The following MTMR3 variants were observed in gnomAD, a reference collection of about 807,000 sequenced individuals.
MTMR3 encodes phosphatidylinositol-3,5-bisphosphate 3-phosphatase MTMR3.
A neutral mutation model predicts 132.4 loss-of-function variants in MTMR3; 32 were observed. The observed-to-expected ratio is 0.24, with a 90% CI of 0.18 to 0.32. MTMR3 has a LOEUF of 0.32. Ranked by LOEUF, MTMR3 falls within the 10% of genes least tolerant of loss-of-function variation. The pLI is 1.00. For synonymous variants in MTMR3, 556 were observed against 550.3 expected (o/e 1.01, Z -0.14); for missense variants, 1,216 against 1,489.6 (o/e 0.82, Z 3.02).
At chr22:29,926,326 T>C (rs2065516855) in intron 1 of MTMR3, among the ~76,000 whole-genome samples, 1 of 152,234 alleles carries the variant, frequency 6.6e-6, no homozygotes, top group Non-Finnish European at 1.5e-5. Context: ...TTTACTATTG[T>C]GAATACTGGT....
At chr22:30,016,982 A>T (rs904962785) in intron 15 of MTMR3, 1 of 322,766 alleles carries the variant, frequency 3.1e-6, no homozygotes, top group African/African-American at 2.1e-5. Flanking sequence ...TCCAGAGCTT[A>T]TTTCTAGCAT....
chr22:29,907,008 C>T (rs1379029950), intron 1 of MTMR3, among the ~76,000 whole-genome samples: 4 of 151,890 alleles, frequency 2.6e-5, no homozygotes, highest in East Asian at 1.9e-4. Context: ...AACCAGGAGA[C>T]GGAGGTTGCA....
intron 5 of MTMR3, chr22:29,986,505 T>TG (rs34105530): frequency 0.029 from 24,889 of 869,788 alleles, 1,060 homozygotes; most frequent in South Asian, 0.23. Context: ...TTTGTTTGTT[T>TG]TTTTTTTTCC....
rs1263018921 is a variant in MTMR3, at chr22:30,007,917, T to C, written c.894T>C (p.Asn298=). Residue 298 remains asparagine (N), a synonymous_variant, in exon 11 of 20, where the codon AAT becomes AAC. Transcript: ENST00000401950. ...SDVEFDSSLS[N]ASGAESLAIQ... is the part of the protein sequence containing the mutation. ...TGTCCCTAGATTCTTCTCTGTCAAA[T>C]GCTTCAGGAGCAGAGAGTTTAGCCA... 1 of 1,613,780 alleles carries C rather than the reference T, an allele frequency of 6.2e-7. No individual in the cohort carries two copies. Among genetic ancestry groups the C allele is most frequent in the Non-Finnish European group, 8.5e-7 (1 of 1,179,994 alleles).
At chr22:29,988,594 T>C (rs746071676) in intron 6 of MTMR3, 32 bp downstream of exon 6, 116 of 1,511,794 alleles carry the variant, frequency 7.7e-5, no homozygotes, top group Non-Finnish European at 9.9e-5. Flanking sequence ...TGTTGCTGTT[T>C]AGTGTGGAAA....
Position 30,020,495 on chromosome 22 carries a change from A to G in MTMR3, c.2836A>G (p.Ser946Gly). ...NRASEQPPGL[S>G]TLQMYPTPNG... The stretch of plus-strand genomic sequence containing the variant: ...GGCCTCAGAGCAGCCCCCAGGTCTT[A>G]GCACCCTCCAGATGTACCCCACACC... The change falls in exon 17 of 20, where the codon AGC becomes GGC. Residue 946 changes from serine to glycine, a missense_variant. This residue lies in a region of MTMR3 where 852 missense variants were observed against 852.0 expected (regional missense o/e 1.00). Transcript: ENST00000401950. 6.2e-7 allele frequency: 1 copy of G among 1,614,170 alleles called. No individual in the cohort carries two copies. The highest frequency in any genetic ancestry group is 1.3e-5 in the African/African-American group (1 of 75,050).
Position 29,953,944 on chromosome 22 carries a change from C to G in MTMR3, c.-137-3092C>G, listed in dbSNP as rs950802542. Among the ~76,000 whole-genome samples, 28 of 151,622 alleles carry G rather than the reference C, an allele frequency of 1.8e-4. 1 individual carries two copies. Among genetic ancestry groups the G allele is most frequent in the African/African-American group, 4.9e-5 (2 of 41,236 alleles). On this transcript the variant is annotated intron_variant, in intron 1 of 19. Transcript: ENST00000401950. ...GTTCAAGGTTACCCAAACATAACTACTCTTATTCCTTAAGGTATATACATG... is the reference window on the plus strand; with the variant it reads ...GTTCAAGGTTACCCAAACATAACTAGTCTTATTCCTTAAGGTATATACATG...
At chr22:29,988,426 C>T in intron 5 of MTMR3, 54 bp from the exon 6 acceptor site, 1 of 1,378,182 alleles carries the variant, frequency 7.3e-7, no homozygotes, top group Admixed American at 1.8e-5. Flanking sequence ...CATTGAAGAA[C>T]TCCAGGGTCA....
At chr22:30,016,822 G>C in intron 15 of MTMR3, 124 bp downstream of exon 15, 1 of 1,159,206 alleles carries the variant, frequency 8.6e-7, no homozygotes, top group Non-Finnish European at 1.2e-6. Flanking sequence ...GGATGGACTG[G>C]TTCCATTTTT....
At chr22:29,964,406 T>G (rs1422490094) in intron 2 of MTMR3, among the ~76,000 whole-genome samples, 2 of 152,216 alleles carry the variant, frequency 1.3e-5, no homozygotes, top group Non-Finnish European at 2.9e-5. Flanking sequence ...AAAAGGAACC[T>G]TTAGCAAGTA....
intron 18 of MTMR3, 90 bp from the exon 19 acceptor site, chr22:30,022,519 T>G (rs1364864260): frequency 4.4e-6 from 5 of 1,137,484 alleles, no homozygotes; most frequent in Non-Finnish European, 6.6e-6. Context: ...GATGTGGTCC[T>G]TGTGACTCTT....
At chr22:29,942,292 G>A (rs998703657) in intron 1 of MTMR3, among the ~76,000 whole-genome samples, 4 of 152,172 alleles carry the variant, frequency 2.6e-5, no homozygotes, top group Non-Finnish European at 4.4e-5. Flanking sequence ...CAAAAGGAGA[G>A]GGAGTGTACG....
At chr22:29,901,321 TA>T (rs2064999369) in intron 1 of MTMR3, among the ~76,000 whole-genome samples, 1 of 151,480 alleles carries the variant, frequency 6.6e-6, no homozygotes, top group African/African-American at 2.4e-5. Flanking sequence ...GTTTAATTTT[TA>T]GGCGAAATGT....
chr22:29,992,862 G>T (rs2066991926), intron 7 of MTMR3: 1 of 152,146 alleles, frequency 6.6e-6, no homozygotes, highest in African/African-American at 2.4e-5. Context: ...ATTATCTTAT[G>T]TTTAACAATG....
chr22:29,919,218 G>A (rs1386892409), intron 1 of MTMR3, among the ~76,000 whole-genome samples: 1 of 151,922 alleles, frequency 6.6e-6, no homozygotes, highest in Non-Finnish European at 1.5e-5. Flanking sequence ...TTTTTCTGGG[G>A]GAAAAAGTTT....
chr22:29,979,546 T>C (rs2066699301), intron 5 of MTMR3: 2 of 208,206 alleles, frequency 9.6e-6, no homozygotes, highest in South Asian at 7.5e-5. Context: ...GCAGCTCTTA[T>C]GCTTGATTTA....
At chr22:29,992,339 T>G (rs1189731216) in intron 7 of MTMR3, 4 of 152,228 alleles carry the variant, frequency 2.6e-5, no homozygotes, top group Non-Finnish European at 5.9e-5. Context: ...GTGCTTGGAT[T>G]TATAGGCGTG....
intron 1 of MTMR3, among the ~76,000 whole-genome samples, chr22:29,896,923 T>C (rs2064913281): frequency 9.1e-6 from 1 of 110,084 alleles, no homozygotes. Context: ...ACAAATCCCA[T>C]ATAGAATCTA....
chr22:30,011,094 T>C (rs2067409394), intron 12 of MTMR3: 2 of 152,196 alleles, frequency 1.3e-5, no homozygotes, highest in African/African-American at 4.8e-5. Flanking sequence ...CCTTAGACTA[T>C]GCCAAAATTT....
Sources: allele counts gnomAD v4.1 joint callset (sites outside exome capture counted in the v4.1 genomes callset), GRCh38; gene constraint gnomAD v4.1.1; regional missense constraint gnomAD v4.1.1; transcripts MANE v1.5; gene names NCBI Gene and HGNC (gene_info 2026-07-23, HGNC 2026-07-21).